The following HFM1 variants were observed in gnomAD, a reference collection of about 807,000 sequenced individuals.
HFM1 encodes the protein probable ATP-dependent DNA helicase HFM1.
A neutral mutation model predicts 192.1 loss-of-function variants in HFM1; 169 were observed. The observed-to-expected ratio is 0.88, with a 90% CI of 0.78 to 1.00. HFM1 has a LOEUF of 1.00. Ranked by LOEUF, HFM1 falls within the 50% of genes least tolerant of loss-of-function variation. The pLI is 0.00. For synonymous variants in HFM1, 525 were observed against 537.8 expected (o/e 0.98, Z 0.33); for missense variants, 1,661 against 1,668.0 (o/e 1.00, Z 0.07).
At chr1:91,355,224 A>G (rs1367760422) in intron 13 of HFM1, among the ~76,000 whole-genome samples, 1 of 152,136 alleles carries the variant, frequency 6.6e-6, no homozygotes, top group Non-Finnish European at 1.5e-5. Flanking sequence ...GATACAGATG[A>G]GAAAGAGAAA....
At chr1:91,373,990 G>A (rs777961199) in intron 13 of HFM1, among the ~76,000 whole-genome samples, 1 of 152,096 alleles carries the variant, frequency 6.6e-6, no homozygotes, top group Non-Finnish European at 1.5e-5. Flanking sequence ...TATAATTATA[G>A]TAAGTGCTAT....
At chr1:91,349,077 C>T (rs1409828884) in intron 18 of HFM1, among the ~76,000 whole-genome samples, 1 of 152,130 alleles carries the variant, frequency 6.6e-6, no homozygotes, top group Non-Finnish European at 1.5e-5. Flanking sequence ...CACCTGAGAT[C>T]AGGAGTTTGA....
rs894477065 is a variant in HFM1, at chr1:91,309,447, A to G, written c.3391+3902T>C. Among the ~76,000 whole-genome samples the G allele has an allele frequency of 3.9e-5, 6 of 152,380 alleles. No homozygotes were observed. The East Asian group carries it at 7.7e-4, about 20-fold the overall frequency. ...AAAATAAAATGAAACAAATGAAAGT[A>G]TATGTATCCAGAGTGGCATGGCCAC... On this transcript the variant is annotated intron_variant, in intron 30 of 38. Transcript: ENST00000370425.
intron 13 of HFM1, among the ~76,000 whole-genome samples, chr1:91,364,723 C>A (rs4084488): frequency 1.3e-5 from 2 of 148,226 alleles, no homozygotes; most frequent in African/African-American, 5.0e-5. Context: ...AGCTCTGCCC[C>A]CCGGGGTTCA....
In HFM1 at chr1:91,276,692, G is replaced by A. The variant is rs142421687; in HGVS notation, c.3524C>T (p.Ser1175Leu). ...CCTGTTTCTTAAATCAGATAAATAT[G>A]AAGAAATTGTTGACTCTTTAATTTC... ...KSEIKESTIS[S>L]YLSDLRNRNA... is the part of the protein sequence containing the mutation. The change falls in exon 32 of 39, where the codon TCA becomes TTA. Residue 1175 changes from serine (S) to leucine (L), a missense_variant. Coordinates refer to ENST00000370425, the MANE Select transcript of HFM1 (RefSeq NM_001017975.6). 6 of 1,565,822 alleles carry A rather than the reference G, an allele frequency of 3.8e-6. No homozygotes were observed. The highest frequency in any genetic ancestry group is 5.2e-6 in the Non-Finnish European group (6 of 1,161,910).
chr1:91,287,911 C>T (rs1297560586), intron 30 of HFM1, among the ~76,000 whole-genome samples: 3 of 152,004 alleles, frequency 2.0e-5, no homozygotes, highest in Non-Finnish European at 2.9e-5. Flanking sequence ...GAAAGGGTAT[C>T]AGCGATGGAA....
chr1:91,291,467 T>G (rs998740709), intron 30 of HFM1, among the ~76,000 whole-genome samples: 1 of 152,170 alleles, frequency 6.6e-6, no homozygotes, highest in African/African-American at 2.4e-5. Context: ...ATGGATACAT[T>G]CCTCGACACA....
chr1:91,356,401 G>A (rs774081782), intron 13 of HFM1, among the ~76,000 whole-genome samples: 2 of 151,806 alleles, frequency 1.3e-5, no homozygotes, highest in Admixed American at 6.6e-5. Flanking sequence ...GTACCACCAC[G>A]CCTGGCTAAT....
intron 30 of HFM1, among the ~76,000 whole-genome samples, chr1:91,290,246 A>G (rs1204268038): frequency 6.6e-6 from 1 of 152,252 alleles, no homozygotes; most frequent in East Asian, 1.9e-4. Flanking sequence ...ATTAAAAGAC[A>G]CAGACTGGCA....
At chr1:91,395,482 G>T (rs1489539147) in intron 3 of HFM1, among the ~76,000 whole-genome samples, 4 of 151,922 alleles carry the variant, frequency 2.6e-5, no homozygotes, top group Non-Finnish European at 5.9e-5. Context: ...AGATGAGGAG[G>T]ATCTGTTTGT....
chr1:91,372,647 T>A (rs1047136067), intron 13 of HFM1, among the ~76,000 whole-genome samples: 2 of 152,074 alleles, frequency 1.3e-5, no homozygotes, highest in Non-Finnish European at 2.9e-5. Context: ...AATGATGAGT[T>A]AATGGGTGCA....
chr1:91,407,738 G>A (rs190940430), upstream of HFM1, among the ~76,000 whole-genome samples: 117 of 152,226 alleles, frequency 7.7e-4, no homozygotes, highest in African/African-American at 2.3e-3. Flanking sequence ...AAATATCTCC[G>A]TTCAAGTCCC....
At chr1:91,348,159 G>A (rs897525445) in intron 18 of HFM1, among the ~76,000 whole-genome samples, 6 of 151,964 alleles carry the variant, frequency 3.9e-5, no homozygotes, top group Admixed American at 1.3e-4. Flanking sequence ...AAACTTCATT[G>A]ACCTCTACAC....
chr1:91,327,994 A>G (rs1653168946), intron 20 of HFM1, among the ~76,000 whole-genome samples: 1 of 152,200 alleles, frequency 6.6e-6, no homozygotes, highest in South Asian at 2.1e-4. Flanking sequence ...GTTTATAGCT[A>G]CAAGTGCCTA....
At chr1:91,402,065 A>G (rs1345811460) in intron 1 of HFM1, among the ~76,000 whole-genome samples, 1 of 152,178 alleles carries the variant, frequency 6.6e-6, no homozygotes, top group East Asian at 1.9e-4. Flanking sequence ...GTAAAACATA[A>G]ATCACATTTC....
chr1:91,385,369 G>T, intron 5 of HFM1, 135 bp from the exon 6 acceptor site: 2 of 755,652 alleles, frequency 2.6e-6, no homozygotes, highest in East Asian at 5.5e-5. Flanking sequence ...TTTATTGAGA[G>T]CAAAGTTAAA....
intron 25 of HFM1, among the ~76,000 whole-genome samples, chr1:91,316,793 C>T (rs763893574): frequency 9.2e-5 from 14 of 152,092 alleles, no homozygotes; most frequent in Non-Finnish European, 8.8e-5. Flanking sequence ...TTTTTGTACT[C>T]ATGCTTGAAA....
At chr1:91,361,335 G>A (rs1411734808) in intron 13 of HFM1, among the ~76,000 whole-genome samples, 4 of 151,362 alleles carry the variant, frequency 2.6e-5, no homozygotes, top group Admixed American at 2.6e-4. Flanking sequence ...AGGAGAGAAG[G>A]ATCAAATAAA....
intron 2 of HFM1, among the ~76,000 whole-genome samples, chr1:91,398,952 C>T (rs1375572618): frequency 6.6e-6 from 1 of 152,176 alleles, no homozygotes; most frequent in Admixed American, 6.5e-5. Flanking sequence ...CTCAACCTCC[C>T]AAAGTGCTGG....
Sources: gnomAD v4.1 joint callset for allele counts (sites outside exome capture counted in the v4.1 genomes callset) on GRCh38, gnomAD v4.1.1 for gene constraint, MANE v1.5 for transcripts, NCBI Gene and HGNC (gene_info 2026-07-23, HGNC 2026-07-21) for gene names.